Variants in NAV3 observed in about 807,000 individuals in gnomAD.
The protein encoded by NAV3 is pore membrane and/or filament interacting like protein 1.
A neutral mutation model predicts 244.7 loss-of-function variants in NAV3; 87 were observed. The observed-to-expected ratio is 0.36, with a 90% confidence interval of 0.30 to 0.42. NAV3 has a LOEUF of 0.42. NAV3 is among the 20% of genes least tolerant of loss of function. The pLI, the probability that NAV3 is intolerant of heterozygous loss-of-function variation, is 1.00. For missense variants in NAV3, 2,663 were observed against 2,893.3 expected, an observed-to-expected ratio of 0.92 and a Z score of 1.83; for synonymous variants, 1,126 against 1,042.2, an observed-to-expected ratio of 1.08 and a Z score of -1.55.
At chr12:77,718,857 T>C (rs748988632) in intron 2 of NAV3, among the ~76,000 whole-genome samples, 2 of 152,068 alleles carry the variant, frequency 1.3e-5, no homozygotes, top group Non-Finnish European at 2.9e-5. Context: ...GGTTTCTGCA[T>C]GTTGGTCAGG....
At chr12:77,701,211 A>G (rs752443902) in intron 2 of NAV3, among the ~76,000 whole-genome samples, 1 of 151,920 alleles carries the variant, frequency 6.6e-6, no homozygotes, top group Admixed American at 6.6e-5. Context: ...ATTTGAGTAC[A>G]AATTTATTTT....
intron 2 of NAV3, among the ~76,000 whole-genome samples, chr12:77,650,298 G>A (rs1016736072): frequency 6.6e-6 from 1 of 152,132 alleles, no homozygotes; most frequent in African/African-American, 2.4e-5. Flanking sequence ...TGCAATCGGG[G>A]AAGTTAACCC....
rs1555220914 is a variant in NAV3 at position 77,873,773 on chromosome 12, T to TAA, written c.243+42070_243+42071dup. Among the ~76,000 whole-genome samples, 440 of 128,622 alleles carry TAA rather than the reference T, an allele frequency of 3.4e-3. 13 individuals are homozygous for TAA. The highest frequency in any genetic ancestry group is 0.011 in the Middle Eastern group (2 of 174). The allele number at this position is 128,622 out of a possible 152,430, so 84.4% of individuals were successfully genotyped here. A position where few individuals can be genotyped will look rare whatever the true frequency, so the allele number is the denominator to read the frequency against. ...ATATATATATATATATATATGTATA[T>TAA]AACAGCATATGCATTATGTGAAATT... On this transcript the variant is annotated intron_variant, in intron 1 of 39. Coordinates refer to ENST00000397909, the MANE Select transcript of NAV3 (RefSeq NM_001024383.2).
chr12:77,873,240 T>C (rs2136480403), intron 1 of NAV3, among the ~76,000 whole-genome samples: 1 of 152,318 alleles, frequency 6.6e-6, no homozygotes, highest in East Asian at 1.9e-4. Context: ...TGGGTATTTC[T>C]TCATAGCAGT....
At chr12:77,961,045 T>C (rs1217069852) in intron 3 of NAV3, among the ~76,000 whole-genome samples, 1 of 132,334 alleles carries the variant, frequency 7.6e-6, no homozygotes, top group Non-Finnish European at 1.6e-5. Flanking sequence ...TATATGTATA[T>C]ATGTATATGT....
At chr12:77,827,236 CAAAAAAAA>C (rs10615824), upstream of NAV3, among the ~76,000 whole-genome samples, 28 of 68,546 alleles carry the variant, frequency 4.1e-4, no homozygotes, top group African/African-American at 1.0e-3. Flanking sequence ...ACTCTGTCTC[CAAAAAAAA>C]AAAAAAAAAA....
At chr12:77,977,935 GT>G (rs1868818156) in intron 5 of NAV3, among the ~76,000 whole-genome samples, 3 of 152,088 alleles carry the variant, frequency 2.0e-5, no homozygotes, top group African/African-American at 7.2e-5. Context: ...CTGTATGCCA[GT>G]TACGTAAAAA....
chr12:78,060,454 G>T (rs1463916209), intron 12 of NAV3, among the ~76,000 whole-genome samples: 1 of 151,734 alleles, frequency 6.6e-6, no homozygotes. Flanking sequence ...CTTGTGTGTG[G>T]GTGTGGGTGT....
Position 78,146,408 on chromosome 12 carries a change from G to A in NAV3, c.4707+16G>A. 9.6e-7 allele frequency: 1 copy of A among 1,038,238 alleles called. No individual in the cohort carries two copies. The highest frequency in any genetic ancestry group is 1.3e-6 in the Non-Finnish European group (1 of 741,568). 64.3% of individuals were successfully genotyped at this position (1,038,238 alleles called of 1,614,324 possible). A position where few individuals can be genotyped will look rare whatever the true frequency, so the allele number is the denominator to read the frequency against. On this transcript the variant is annotated intron_variant, in intron 21 of 39. Coordinates refer to ENST00000397909, the MANE Select transcript of NAV3 (RefSeq NM_001024383.2). ...TCATTCAGAGGTAAAAAAAAAATAT[G>A]CAATATTTTAATATTTTCTATTTTA...
chr12:77,593,253 T>C (rs1414773184), intron 2 of NAV3, among the ~76,000 whole-genome samples: 1 of 127,074 alleles, frequency 7.9e-6, no homozygotes, highest in African/African-American at 3.0e-5. Flanking sequence ...CTATGGTATA[T>C]ATATGTATGA....
At chr12:78,186,123 T>A (rs1476839712) in intron 31 of NAV3, among the ~76,000 whole-genome samples, 2 of 151,828 alleles carry the variant, frequency 1.3e-5, no homozygotes, top group Middle Eastern at 3.2e-3. Context: ...AGACACATGT[T>A]CTACTGAACT....
chr12:77,843,833 TA>T (rs5799347), intron 1 of NAV3, among the ~76,000 whole-genome samples: 38,623 of 146,320 alleles, frequency 0.26, 5,561 homozygotes, highest in East Asian at 0.4. Context: ...CTGTCTTGTT[TA>T]AAAAAAAAAA....
At chr12:77,896,397 T>C (rs1207591449) in intron 1 of NAV3, among the ~76,000 whole-genome samples, 1 of 152,200 alleles carries the variant, frequency 6.6e-6, no homozygotes, top group Non-Finnish European at 1.5e-5. Context: ...ATTCACAGTA[T>C]TATATCTCAG....
chr12:77,816,745 A>G (rs977047927), intron 2 of NAV3, among the ~76,000 whole-genome samples: 1 of 151,988 alleles, frequency 6.6e-6, no homozygotes, highest in African/African-American at 2.4e-5. Flanking sequence ...GCTTCCCTAA[A>G]CCAGAGAGAA....
Position 78,050,853 on chromosome 12 carries a change from C to G in NAV3, c.2222C>G (p.Thr741Ser), listed in dbSNP as rs1882639780. The change falls in exon 11 of 40, where the codon ACC (threonine) becomes AGC (serine). Residue 741 changes from threonine (T) to serine (S), a missense_variant. This residue lies in a region of NAV3 where 1,521 missense variants were observed against 1,497.0 expected (regional missense o/e 1.02). Transcript: ENST00000397909. ...TTGACAAGTCGACCCACCCCCATGA[C>G]CTGGAGGTTGGGCCAGGCATGTCCG... ...PNLTSRPTPM[T>S]WRLGQACPRL... The G allele has an allele frequency of 6.2e-7, 1 of 1,614,028 alleles. No individual in the cohort carries two copies. The highest frequency in any genetic ancestry group is 1.1e-5 in the South Asian group (1 of 91,078).
chr12:78,116,859 C>G lies in NAV3; in HGVS notation c.2724C>G (p.Val908=), dbSNP rs2138518943. Residue 908 remains valine (V), a synonymous_variant, in exon 13 of 40, where the codon GTC becomes GTG. Coordinates refer to ENST00000397909, the MANE Select transcript of NAV3 (RefSeq NM_001024383.2). ...ATGACCTGAACACCACATCCTCTGTCAGCTCTTACTCCAACATCACCGTCC... is the reference window on the plus strand; with the variant it reads ...ATGACCTGAACACCACATCCTCTGTGAGCTCTTACTCCAACATCACCGTCC... ...STDDLNTTSS[V]SSYSNITVPS... 1.9e-6 allele frequency: 3 copies of G among 1,613,560 alleles called. No homozygotes were observed. Among genetic ancestry groups the G allele is most frequent in the Non-Finnish European group, 1.7e-6 (2 of 1,179,670 alleles).
At chr12:78,175,200 C>A (rs2139642920) in intron 24 of NAV3, 106 bp from the exon 25 acceptor site, 1 of 1,242,154 alleles carries the variant, frequency 8.1e-7, no homozygotes, top group Middle Eastern at 2.3e-4. Flanking sequence ...TGTACAAAGC[C>A]TTGTTGACCT....
At chr12:78,055,644 C>A (rs1883382167) in intron 11 of NAV3, among the ~76,000 whole-genome samples, 1 of 152,086 alleles carries the variant, frequency 6.6e-6, no homozygotes, top group Non-Finnish European at 1.5e-5. Flanking sequence ...CCAGTGTTAC[C>A]CTAGGCATTG....
At chr12:78,051,260 A>G in intron 11 of NAV3, 113 bp downstream of exon 11, 1 of 1,199,050 alleles carries the variant, frequency 8.3e-7, no homozygotes, top group Admixed American at 2.3e-5. Flanking sequence ...AGAACATATG[A>G]GATATCTGAG....
Sources: gnomAD v4.1 joint callset for allele counts (sites outside exome capture counted in the v4.1 genomes callset) on GRCh38, gnomAD v4.1.1 for gene constraint, gnomAD v4.1.1 regional missense constraint, MANE v1.5 for transcripts, NCBI Gene and HGNC (gene_info 2026-07-23, HGNC 2026-07-21) for gene names.